The following HAGH variants were observed in gnomAD, a reference collection of about 807,000 sequenced individuals.
HAGH encodes the protein hydroxyacylglutathione hydrolase, also known as hydroxyacylglutathione hydrolase, mitochondrial.
HAGH carries 29 observed loss-of-function variants against 35.1 expected under a neutral mutation model. The ratio of observed to expected loss-of-function variants is 0.83; its 90% confidence interval spans 0.62 to 1.13. The LOEUF (loss-of-function observed/expected upper bound fraction) is 1.13, where lower values mean the gene tolerates loss of function less well. Ranked by LOEUF, HAGH falls within the 50% of genes most tolerant of loss-of-function variation. HAGH has a pLI of 0.00. For missense variants in HAGH, 478 were observed against 419.6 expected, an observed-to-expected ratio of 1.14 and a Z score of -1.22; for synonymous variants, 225 against 176.1, an observed-to-expected ratio of 1.28 and a Z score of -2.20.
At chr16:1,810,884 C>A (rs926743289) in intron 7 of HAGH, 7 of 152,220 alleles carry the variant, frequency 4.6e-5, no homozygotes, top group Non-Finnish European at 8.8e-5. Flanking sequence ...TCTGTTCTTC[C>A]CTTCTGGCGA....
intron 5 of HAGH, among the ~76,000 whole-genome samples, chr16:1,817,725 C>A: frequency 6.6e-6 from 1 of 151,712 alleles, no homozygotes; most frequent in Admixed American, 6.5e-5. Context: ...GCGGCCCACA[C>A]CGCTGGGCAC....
At chr16:1,822,018 GCCAGGGCACAAACCCGCATGGC>G in intron 3 of HAGH, 1 of 378,634 alleles carries the variant, frequency 2.6e-6, no homozygotes, top group Non-Finnish European at 4.8e-6. Flanking sequence ...AGGCCAACGT[GCCAGGGCACAAACCCGCATGGC>G]CCAGGAGAGA....
chr16:1,822,822 C>G (rs763055208), intron 2 of HAGH, 43 bp downstream of exon 2: 2 of 1,573,552 alleles, frequency 1.3e-6, no homozygotes, highest in South Asian at 2.2e-5. Context: ...GGACTCCGAG[C>G]TGGGTGACCA....
At position 1,810,575 on chromosome 16, in the gene HAGH, G is replaced by C. The variant is rs533598598; in HGVS notation, c.748-742C>G. The C allele has an allele frequency of 3.3e-5, 5 of 152,912 alleles. 1 individual carries two copies. In the East Asian group the frequency reaches 7.7e-4, roughly 24 times the overall value. 9.5% of individuals were successfully genotyped at this position (152,912 alleles called of 1,614,324 possible). On this transcript the variant is annotated intron_variant, in intron 7 of 8. Coordinates refer to ENST00000397356, the MANE Select transcript of HAGH (RefSeq NM_005326.6). ...CAGCACTGACCAGGGCAGATGGGGT[G>C]GGGGCGGGGGGAGGAGAATGCAAAC...
Position 1,822,373 on chromosome 16 carries a change from G to T in HAGH, c.250-9C>A. 1.2e-6 allele frequency: 2 copies of T among 1,604,740 alleles called. No homozygotes were observed. The stretch of plus-strand genomic sequence containing the variant: ...CTCGCCGCGTCCACGACCTGCAGTG[G>T]CCCCGGGGAAGGACAAAGGCCTGTC... On this transcript the variant is annotated splice_polypyrimidine_tract_variant and intron_variant, in intron 2 of 8. Transcript: ENST00000397356.
chr16:1,822,248 G>C, intron 3 of HAGH, 52 bp downstream of exon 3: 4 of 1,226,556 alleles, frequency 3.3e-6, no homozygotes, highest in South Asian at 1.2e-5. Flanking sequence ...TAAACCCACC[G>C]GGGCGAGAAG....
chr16:1,817,872 G>A lies in HAGH; in HGVS notation c.542-601C>T, dbSNP rs148370107. 7.0e-4 allele frequency among the ~76,000 whole-genome samples: 106 copies of A among 152,310 alleles called. 1 individual carries two copies. The highest frequency in any genetic ancestry group is 2.2e-3 in the African/African-American group (92 of 41,576). On this transcript the variant is annotated intron_variant, in intron 5 of 8. Coordinates refer to ENST00000397356, the MANE Select transcript of HAGH (RefSeq NM_005326.6). ...CTGGCCTCGCTGACCTCACGTGGCC[G>A]TCTGCCCCAGAAACAGGGCAGTCCC...
intron 7 of HAGH, among the ~76,000 whole-genome samples, chr16:1,811,502 C>G (rs1897645459): frequency 6.6e-6 from 1 of 151,838 alleles, no homozygotes; most frequent in Non-Finnish European, 1.5e-5. Flanking sequence ...CACCTGAGGT[C>G]AGGAGTTTGA....
Position 1,809,422 on chromosome 16 carries a change from A to C in HAGH, c.828-40T>G, listed in dbSNP as rs202091859. On this transcript the variant is annotated intron_variant, in intron 8 of 8. Coordinates refer to ENST00000397356, the MANE Select transcript of HAGH (RefSeq NM_005326.6). ...ACCGGGCTGCAGGCTGTGCCGAGCC[A>C]CGCCCACCGGAGGAGCCAGGGCCAC... 114 of 1,548,110 alleles carry C rather than the reference A, an allele frequency of 7.4e-5. No homozygotes were observed. The Admixed American group carries it at 1.9e-3, about 25-fold the overall frequency.
chr16:1,814,956 C>CTCACACAT (rs1555467349), intron 7 of HAGH, among the ~76,000 whole-genome samples: 19 of 126,478 alleles, frequency 1.5e-4, no homozygotes, highest in South Asian at 2.5e-4. Context: ...CACACACACA[C>CTCACACAT]ATATATATAT....
intron 1 of HAGH, among the ~76,000 whole-genome samples, chr16:1,824,466 C>T (rs1280394187): frequency 6.6e-6 from 1 of 152,148 alleles, no homozygotes; most frequent in East Asian, 1.9e-4. Flanking sequence ...TCGACCAATG[C>T]AAAAATATTT....
intron 7 of HAGH, chr16:1,812,252 T>A (rs578216163): frequency 1.7e-4 from 24 of 143,396 alleles, no homozygotes; most frequent in African/African-American, 5.7e-4. Flanking sequence ...ACGCCTGTAA[T>A]CCCAGCACTT....
At chr16:1,822,141 G>T in intron 3 of HAGH, 159 bp downstream of exon 3, 6 of 620,996 alleles carry the variant, frequency 9.7e-6, no homozygotes, top group Non-Finnish European at 1.8e-5. Flanking sequence ...TGCCCCTTGG[G>T]GGCTACGGTG....
At chr16:1,822,274 A>AC (rs1328008871) in intron 3 of HAGH, 26 bp downstream of exon 3, 3 of 1,527,520 alleles carry the variant, frequency 2.0e-6, no homozygotes, top group Non-Finnish European at 2.7e-6. Context: ...CAGGTCCCAC[A>AC]CCCCCAGGTG....
At chr16:1,812,900 T>G (rs894560963) in intron 7 of HAGH, among the ~76,000 whole-genome samples, 1 of 151,320 alleles carries the variant, frequency 6.6e-6, no homozygotes, top group African/African-American at 2.4e-5. Flanking sequence ...CCGTGTGGTG[T>G]GCCGAAAGAC....
chr16:1,816,441 C>G (rs1176410952), intron 7 of HAGH, among the ~76,000 whole-genome samples: 1 of 152,114 alleles, frequency 6.6e-6, no homozygotes, highest in South Asian at 2.1e-4. Flanking sequence ...CTTGTGACAC[C>G]GTTTCCAGTG....
At chr16:1,816,714 G>C (rs1201064755) in intron 7 of HAGH, among the ~76,000 whole-genome samples, 179 bp downstream of exon 7, 1 of 152,248 alleles carries the variant, frequency 6.6e-6, no homozygotes, top group Non-Finnish European at 1.5e-5. Flanking sequence ...CCGAGGCAGA[G>C]GGATCTCCAT....
At chr16:1,821,948 T>TCG (rs1555468655) in intron 3 of HAGH, 3 of 122,490 alleles carry the variant, frequency 2.4e-5, no homozygotes, top group Non-Finnish European at 5.3e-5. Context: ...TTTTTTGTTT[T>TCG]TTTGTTTTTT....
intron 1 of HAGH, among the ~76,000 whole-genome samples, chr16:1,825,263 A>G (rs1487043763): frequency 6.6e-6 from 1 of 152,186 alleles, no homozygotes. Flanking sequence ...GGTTGCAGTG[A>G]GCCGAGATTG....
Sources: allele counts gnomAD v4.1 joint callset (sites outside exome capture counted in the v4.1 genomes callset), GRCh38; gene constraint gnomAD v4.1.1; transcripts MANE v1.5; gene names NCBI Gene and HGNC (gene_info 2026-07-23, HGNC 2026-07-21).